The following MTERF4 variants were observed in gnomAD, a reference collection of about 807,000 sequenced individuals.
MTERF4 encodes transcription termination factor 4, mitochondrial.
A neutral mutation model predicts 22.5 loss-of-function variants in MTERF4; 17 were observed. The ratio of observed to expected loss-of-function variants is 0.75; its 90% confidence interval spans 0.52 to 1.13. The LOEUF is 1.13. Among genes scored for constraint, MTERF4 ranks in the 50% most tolerant of loss-of-function variants. MTERF4 has a pLI of 0.00. For missense variants in MTERF4, 420 were observed against 466.8 expected (o/e 0.90, Z 0.92); for synonymous variants, 165 against 175.3 (o/e 0.94, Z 0.47).
At chr2:241,065,664 C>A in the MTERF4 span, 1 of 1,360,414 alleles carries the variant, frequency 7.4e-7, no homozygotes, top group Non-Finnish European at 1.0e-6. Context: ...GGCCCCGGCA[C>A]CTGCAGGGCG....
At chr2:241,049,927 G>A in the MTERF4 span, 4 of 1,613,136 alleles carry the variant, frequency 2.5e-6, no homozygotes, top group Non-Finnish European at 3.4e-6. Context: ...CAAGCACTGC[G>A]AGAAAGGTAT....
At chr2:241,078,068 C>A (rs561724304) in intron 4 of MTERF4, among the ~76,000 whole-genome samples, 16 of 152,232 alleles carry the variant, frequency 1.1e-4, no homozygotes, top group Non-Finnish European at 2.4e-4. Flanking sequence ...AAGTAGAAAC[C>A]ACCAAAGTGT....
chr2:241,056,028 G>A, the MTERF4 span, among the ~76,000 whole-genome samples: 13 of 148,698 alleles, frequency 8.7e-5, no homozygotes, highest in African/African-American at 3.4e-4. Flanking sequence ...GTTCTTATAC[G>A]CACTATGTCT....
rs1266738248 is a variant in MTERF4, at chr2:241,099,650, G to T, written c.266C>A (p.Ser89Tyr). Residue 89 changes from serine to tyrosine, a missense_variant, in exon 2 of 4, where the codon TCC (serine) becomes TAC (tyrosine). By Grantham distance (144) the Ser-to-Tyr change is moderately radical. Coordinates refer to ENST00000391980, the MANE Select transcript of MTERF4 (RefSeq NM_182501.4). ...ACTCATGACCCTCTCTAGCTCCAAG[G>T]ACCCTTGTACCACAGGAGTCCCCTG... is the stretch of plus-strand genomic sequence containing the variant. ...EKQGTPVVQG[S>Y]LELERVMSSL... 6.2e-7 allele frequency: 1 copy of T among 1,614,156 alleles called. No homozygotes were observed. Among genetic ancestry groups the T allele is most frequent in the Non-Finnish European group, 8.5e-7 (1 of 1,180,030 alleles).
the MTERF4 span, chr2:241,065,658 C>A: frequency 1.4e-6 from 2 of 1,429,386 alleles, no homozygotes; most frequent in East Asian, 4.7e-5. Flanking sequence ...AGCGCTGGCC[C>A]CGGCACCTGC....
chr2:241,084,106 C>T (rs975463347), downstream of MTERF4, among the ~76,000 whole-genome samples: 1 of 149,214 alleles, frequency 6.7e-6, no homozygotes, highest in South Asian at 2.1e-4. Context: ...TACTATTGTA[C>T]GAGTTCAATA....
At chr2:241,072,119 G>C, downstream of MTERF4, 1 of 698,110 alleles carries the variant, frequency 1.4e-6, no homozygotes. Context: ...TGGAGGCGCA[G>C]GCTGCTGGTA....
At chr2:241,048,868 C>A in the MTERF4 span, 1 of 1,213,184 alleles carries the variant, frequency 8.2e-7, no homozygotes, top group Non-Finnish European at 1.2e-6. Flanking sequence ...GACTGTCGAC[C>A]ATTGGTTCTA....
At chr2:241,091,227 A>G (rs1361345290), downstream of MTERF4, among the ~76,000 whole-genome samples, 1 of 152,224 alleles carries the variant, frequency 6.6e-6, no homozygotes, top group African/African-American at 2.4e-5. The surrounding 1 kb of genome is among the most constrained non-coding windows in gnomAD (Gnocchi z 4.1). Context: ...CCCATCCAAG[A>G]ACAACACGAG....
chr2:241,080,666 G>C (rs2063284582), intron 4 of MTERF4, among the ~76,000 whole-genome samples: 1 of 152,248 alleles, frequency 6.6e-6, no homozygotes, highest in Non-Finnish European at 1.5e-5. Context: ...TTGAGCATCA[G>C]GAAAACAACT....
At chr2:241,087,750 T>C (rs1364600879), downstream of MTERF4, 1 of 1,239,568 alleles carries the variant, frequency 8.1e-7, no homozygotes, top group Non-Finnish European at 1.0e-6. Flanking sequence ...GTGCTACAAT[T>C]GGGAAGCACA....
downstream of MTERF4, chr2:241,094,589 C>A (rs2064268193): frequency 2.8e-6 from 1 of 354,546 alleles, no homozygotes; most frequent in African/African-American, 2.1e-5. This position sits in a 1 kb window ranked among gnomAD's most constrained non-coding sequence, Gnocchi z 4.3. Context: ...GATCCTAAGT[C>A]CATTTACCAT....
At chr2:241,063,918 C>A in the MTERF4 span, 1 of 1,016,860 alleles carries the variant, frequency 9.8e-7, no homozygotes. Flanking sequence ...GCCTCCGCCC[C>A]TAGACTCCTC....
the MTERF4 span, chr2:241,065,190 G>GA: frequency 8.7e-7 from 1 of 1,143,716 alleles, no homozygotes; most frequent in Non-Finnish European, 1.2e-6. Flanking sequence ...GCCAGCGATG[G>GA]CTGTGTCAGG....
chr2:241,101,713 T>A (rs1318716528), intron 1 of MTERF4, among the ~76,000 whole-genome samples: 1 of 152,214 alleles, frequency 6.6e-6, no homozygotes, highest in Admixed American at 6.5e-5. Context: ...TTCCTCTTAA[T>A]GAAAAGTACA....
At position 241,096,052 on chromosome 2, in the gene MTERF4, G is replaced by GTCA; in HGVS notation, c.1091_1092insTGA (p.Asp366dup). On this transcript the variant is annotated inframe_insertion, in exon 4 of 4. Transcript: ENST00000391980. The surrounding 1 kb of genome is among the most constrained non-coding windows in gnomAD (Gnocchi z 5.1). Reference sequence around the variant, plus strand: ...CATCATTGTCCTCCGCCTCGTCGTCGTCCTCATCATCGTCATCCTCATCAT... The same window carrying GTCA: ...CATCATTGTCCTCCGCCTCGTCGTCGTCATCCTCATCATCGTCATCCTCATCAT... 2 of 1,611,326 alleles carry GTCA rather than the reference G, an allele frequency of 1.2e-6. No individual in the cohort carries two copies. The highest frequency in any genetic ancestry group is 2.7e-5 in the African/African-American group (2 of 73,446).
chr2:241,083,393 G>C (rs1559311902), downstream of MTERF4, among the ~76,000 whole-genome samples: 1 of 151,602 alleles, frequency 6.6e-6, no homozygotes. Context: ...GCATGAAATG[G>C]GGAGGAGCTA....
chr2:241,084,178 C>A (rs1202000013), downstream of MTERF4, among the ~76,000 whole-genome samples: 1 of 145,920 alleles, frequency 6.9e-6, no homozygotes, highest in Non-Finnish European at 1.5e-5. Flanking sequence ...CTCTTGTCCC[C>A]CAGGCTGGAG....
At chr2:241,048,509 G>A in the MTERF4 span, 6 of 1,528,556 alleles carry the variant, frequency 3.9e-6, no homozygotes, top group East Asian at 2.3e-5. Flanking sequence ...CCTTCCTGTG[G>A]GTGCATGCAG....
Sources: gnomAD v4.1 joint callset for allele counts (sites outside exome capture counted in the v4.1 genomes callset) on GRCh38, gnomAD v4.1.1 for gene constraint, Gnocchi (gnomAD v3.1) non-coding constraint, MANE v1.5 for transcripts, NCBI Gene and HGNC (gene_info 2026-07-23, HGNC 2026-07-21) for gene names.